Variants in STPG2 observed in about 807,000 individuals in gnomAD.
STPG2 encodes the protein sperm-tail PG-rich repeat-containing protein 2.
Under a neutral mutation model 54.2 loss-of-function variants are expected in STPG2, and 56 were observed. The observed-to-expected ratio is 1.03, with a 90% confidence interval of 0.83 to 1.29. STPG2 has a LOEUF of 1.29. Among genes scored for constraint, STPG2 ranks in the 50% most tolerant of loss-of-function variants. The probability of loss-of-function intolerance (pLI) is 0.00; values close to 1 mark genes in which losing one functional copy is unlikely to be tolerated. For synonymous variants in STPG2, 200 were observed against 181.8 expected (o/e 1.10, Z -0.81); for missense variants, 596 against 544.9 (o/e 1.09, Z -0.93).
chr4:97,988,869 C>T (rs556318593), intron 5 of STPG2, among the ~76,000 whole-genome samples: 5 of 152,314 alleles, frequency 3.3e-5, no homozygotes, highest in East Asian at 1.9e-4. Context: ...CCGCCTTGGC[C>T]TCCCAAAGTT....
At chr4:97,932,954 C>G (rs1285031816) in intron 8 of STPG2, among the ~76,000 whole-genome samples, 1 of 152,206 alleles carries the variant, frequency 6.6e-6, no homozygotes, top group African/African-American at 2.4e-5. Flanking sequence ...CTGTCTTCCA[C>G]AATGGTTGAA....
intron 9 of STPG2, among the ~76,000 whole-genome samples, chr4:97,799,550 C>A (rs1727311486): frequency 6.6e-6 from 1 of 152,164 alleles, no homozygotes; most frequent in African/African-American, 2.4e-5. Flanking sequence ...GCCGAGAGAT[C>A]CGCTGTTAGT....
At chr4:98,082,577 G>A (rs1420407028) in intron 5 of STPG2, among the ~76,000 whole-genome samples, 1 of 144,574 alleles carries the variant, frequency 6.9e-6, no homozygotes, top group South Asian at 2.3e-4. Context: ...TCAGCTCCCC[G>A]AGTAGCTGGG....
intron 9 of STPG2, among the ~76,000 whole-genome samples, chr4:97,839,683 G>T (rs895882033): frequency 3.3e-5 from 5 of 151,384 alleles, no homozygotes; most frequent in Admixed American, 1.3e-4. Flanking sequence ...AGAAGAAAAA[G>T]AAAATAAAAA....
intron 7 of STPG2, among the ~76,000 whole-genome samples, chr4:97,956,999 G>A (rs771717848): frequency 1.3e-5 from 2 of 151,678 alleles, no homozygotes; most frequent in African/African-American, 2.4e-5. Flanking sequence ...GCCTGAAAAA[G>A]AATTCAGAGG....
In STPG2 at chr4:97,857,791, G is replaced by C. The variant is rs368884745; in HGVS notation, c.1045-16859C>G. 5.9e-5 allele frequency among the ~76,000 whole-genome samples: 9 copies of C among 151,972 alleles called. No individual in the cohort carries two copies. The South Asian group carries it at 1.7e-3, about 28-fold the overall frequency. On this transcript the variant is annotated intron_variant, in intron 8 of 10. Transcript: ENST00000295268. ...GTTGAGGAAACTCAAAGAAATTCAA[G>C]AGAACACAGGAAAGGAAATCAGAAT...
intron 9 of STPG2, among the ~76,000 whole-genome samples, chr4:97,790,608 T>G (rs1578566281): frequency 6.6e-6 from 1 of 152,122 alleles, no homozygotes; most frequent in African/African-American, 2.4e-5. Context: ...GAGGCTGCCC[T>G]CATTGCTTTG....
intron 4 of STPG2, among the ~76,000 whole-genome samples, chr4:97,487,588 T>C (rs1180865371): frequency 6.6e-6 from 1 of 151,558 alleles, no homozygotes; most frequent in Admixed American, 6.6e-5. Context: ...TTACACTTCA[T>C]GGTTTCTTAA....
intron 9 of STPG2, among the ~76,000 whole-genome samples, chr4:97,821,502 C>A (rs1158633093): frequency 6.6e-6 from 1 of 152,186 alleles, no homozygotes; most frequent in African/African-American, 2.4e-5. Context: ...CCCACATTTC[C>A]AGTAGGCAGT....
At chr4:98,088,815 C>A (rs904776181) in intron 5 of STPG2, among the ~76,000 whole-genome samples, 1 of 152,022 alleles carries the variant, frequency 6.6e-6, no homozygotes, top group Non-Finnish European at 1.5e-5. Flanking sequence ...TCCAACCATT[C>A]TTCTCTTCCA....
intron 9 of STPG2, among the ~76,000 whole-genome samples, chr4:97,780,620 G>A (rs1015860910): frequency 7.5e-6 from 1 of 132,596 alleles, no homozygotes; most frequent in Non-Finnish European, 1.6e-5. Flanking sequence ...CAAATCAACA[G>A]AATATACATT....
chr4:97,559,014 G>A lies in STPG2; in HGVS notation c.*44C>T. 1.4e-6 allele frequency: 2 copies of A among 1,443,488 alleles called. No individual in the cohort carries two copies. Among genetic ancestry groups the A allele is most frequent in the Non-Finnish European group, 1.9e-6 (2 of 1,044,042 alleles). The allele number at this position is 1,443,488 out of a possible 1,614,324, so 89.4% of individuals were successfully genotyped here. A position where few individuals can be genotyped will look rare whatever the true frequency, so the allele number is the denominator to read the frequency against. ...TGTTAAAATGACAAAGAAATAAACT[G>A]ACTTCCATGAAGTTGTTTTTTAAGT... is the stretch of plus-strand genomic sequence containing the variant. On this transcript the variant is annotated 3_prime_UTR_variant, in exon 11 of 11. Transcript: ENST00000295268.
intron 9 of STPG2, among the ~76,000 whole-genome samples, chr4:97,756,314 T>C (rs1240901106): frequency 6.6e-6 from 1 of 152,030 alleles, no homozygotes; most frequent in East Asian, 1.9e-4. Flanking sequence ...TTGTTTTGTT[T>C]TTGTTTTATT....
intron 9 of STPG2, among the ~76,000 whole-genome samples, chr4:97,769,477 T>C (rs1726160173): frequency 6.6e-6 from 1 of 152,136 alleles, no homozygotes; most frequent in South Asian, 2.1e-4. Context: ...GTTTGTTATG[T>C]AGTAAAAGTA....
chr4:98,081,212 T>A (rs553850163), intron 5 of STPG2, among the ~76,000 whole-genome samples: 21 of 152,314 alleles, frequency 1.4e-4, no homozygotes, highest in African/African-American at 5.1e-4. Context: ...AAGCAAATAC[T>A]TCAACTTTTT....
chr4:97,962,714 T>G lies in STPG2; in HGVS notation c.933+9566A>C, dbSNP rs182894799. ...TGCAACAACACTTTTAGGTATGTAC[T>G]ATTATGATCTTCATTTTACTAAGTA... On this transcript the variant is annotated intron_variant, in intron 7 of 10. Transcript: ENST00000295268. Among the ~76,000 whole-genome samples, 376 of 152,356 alleles carry G rather than the reference T, an allele frequency of 2.5e-3. 3 individuals carry two copies. Among genetic ancestry groups the G allele is most frequent in the African/African-American group, 8.8e-3 (366 of 41,578 alleles).
intron 7 of STPG2, among the ~76,000 whole-genome samples, chr4:97,946,592 G>C (rs917219417): frequency 1.3e-5 from 2 of 152,054 alleles, no homozygotes; most frequent in Admixed American, 6.6e-5. Flanking sequence ...TAGGGATTCA[G>C]TTTCATTCTT....
chr4:97,832,284 C>G (rs1327838107), intron 9 of STPG2, among the ~76,000 whole-genome samples: 1 of 152,164 alleles, frequency 6.6e-6, no homozygotes, highest in East Asian at 1.9e-4. Context: ...ACATAATTAG[C>G]TCAATAGATG....
intron 8 of STPG2, among the ~76,000 whole-genome samples, chr4:97,895,101 G>T (rs1351044611): frequency 6.6e-6 from 1 of 151,692 alleles, no homozygotes; most frequent in Non-Finnish European, 1.5e-5. Flanking sequence ...AACCCAGAAA[G>T]AAAATTCAAT....
Sources: gnomAD v4.1 joint callset for allele counts (sites outside exome capture counted in the v4.1 genomes callset) on GRCh38, gnomAD v4.1.1 for gene constraint, MANE v1.5 for transcripts, NCBI Gene and HGNC (gene_info 2026-07-23, HGNC 2026-07-21) for gene names.